UTRN: variants seen among roughly 807,000 people sequenced by gnomAD.
UTRN encodes the protein utrophin, also known as dystrophin-related protein 1.
UTRN carries 283 observed loss-of-function variants against 463.9 expected under a neutral mutation model. The observed-to-expected ratio is 0.61, with a 90% confidence interval of 0.55 to 0.67. UTRN has a LOEUF of 0.67. Among genes scored for constraint, UTRN ranks in the 30% least tolerant of loss-of-function variants. UTRN has a pLI of 0.00. For missense variants in UTRN, 3,922 were observed against 4,084.3 expected, an observed-to-expected ratio of 0.96 and a Z score of 1.08; for synonymous variants, 1,442 against 1,431.5, an observed-to-expected ratio of 1.01 and a Z score of -0.17.
At position 144,700,122 on chromosome 6, in the gene UTRN, G is replaced by A. The variant is rs1239458522; in HGVS notation, c.7688G>A (p.Arg2563Lys). The A allele has an allele frequency of 1.9e-6, 3 of 1,612,654 alleles. No individual in the cohort carries two copies. The highest frequency in any genetic ancestry group is 2.5e-6 in the Non-Finnish European group (3 of 1,179,056). ...GAGGCCAGCGCTGAGAAGTGGAACAGGTTGCTGATGTCCTTAGAAGAACTG... is the reference window on the plus strand; with the variant it reads ...GAGGCCAGCGCTGAGAAGTGGAACAAGTTGCTGATGTCCTTAGAAGAACTG... ...HLEASAEKWNRLLMSLEELIK... is the reference protein window; with the variant it reads ...HLEASAEKWNKLLMSLEELIK... The change falls in exon 53 of 75, where the codon AGG (arginine) becomes AAG (lysine). Residue 2563 changes from arginine (R) to lysine (K), a missense_variant. Transcript: ENST00000367545.
intron 2 of UTRN, among the ~76,000 whole-genome samples, chr6:144,371,919 A>G (rs1252775070): frequency 1.3e-5 from 2 of 152,204 alleles, no homozygotes; most frequent in Non-Finnish European, 1.5e-5. Context: ...CACTGTGACT[A>G]TTTACAATGT....
chr6:144,407,904 T>C (rs1206711240), intron 3 of UTRN, among the ~76,000 whole-genome samples: 2 of 152,172 alleles, frequency 1.3e-5, no homozygotes, highest in African/African-American at 4.8e-5. Flanking sequence ...TCAGAAAAAG[T>C]GATTATCTAA....
At chr6:144,534,797 G>A (rs1034976225) in intron 43 of UTRN, among the ~76,000 whole-genome samples, 13 of 152,132 alleles carry the variant, frequency 8.5e-5, no homozygotes, top group African/African-American at 3.1e-4. Context: ...GATGCGCTGT[G>A]GAATTTAAGT....
chr6:144,368,101 T>A (rs554423034), intron 2 of UTRN, among the ~76,000 whole-genome samples: 1 of 152,252 alleles, frequency 6.6e-6, no homozygotes, highest in South Asian at 2.1e-4. Flanking sequence ...TTATTACTGA[T>A]AATCCTTAGT....
intron 2 of UTRN, among the ~76,000 whole-genome samples, chr6:144,348,225 G>A (rs999242292): frequency 1.3e-5 from 2 of 152,152 alleles, no homozygotes; most frequent in African/African-American, 4.8e-5. Context: ...TATTCAGTCA[G>A]CATTTGCTAG....
chr6:144,821,232 A>C (rs567950095), intron 66 of UTRN, among the ~76,000 whole-genome samples: 1 of 152,266 alleles, frequency 6.6e-6, no homozygotes, highest in South Asian at 2.1e-4. Flanking sequence ...CATGTCCTTA[A>C]ATTTTAAAAA....
chr6:144,701,278 C>A (rs1784564999), intron 53 of UTRN, among the ~76,000 whole-genome samples: 1 of 150,562 alleles, frequency 6.6e-6, no homozygotes, highest in African/African-American at 2.5e-5. Flanking sequence ...TACAAACTAT[C>A]TTGTTTGTGT....
intron 61 of UTRN, among the ~76,000 whole-genome samples, chr6:144,787,408 G>A (rs1237973240): frequency 6.6e-6 from 1 of 152,080 alleles, no homozygotes; most frequent in African/African-American, 2.4e-5. Flanking sequence ...TTAATATTAA[G>A]TATTAGTCAC....
chr6:144,484,035 T>C (rs530553572), intron 27 of UTRN, among the ~76,000 whole-genome samples: 2 of 152,312 alleles, frequency 1.3e-5, no homozygotes, highest in South Asian at 4.1e-4. Flanking sequence ...TTCAGTACAT[T>C]CAAGACGACA....
At chr6:144,685,416 C>T (rs1442959416) in intron 52 of UTRN, among the ~76,000 whole-genome samples, 1 of 152,160 alleles carries the variant, frequency 6.6e-6, no homozygotes, top group East Asian at 1.9e-4. Flanking sequence ...TGCTAGATCA[C>T]ATAGTGGATG....
rs190719048 is a variant in UTRN at position 144,335,531 on chromosome 6, A to G, written c.79+43624A>G. On this transcript the variant is annotated intron_variant, in intron 2 of 74. Transcript: ENST00000367545. ...GTAGTTGAACCCGATTCCTGAGGCA[A>G]TGATATGGCAGGTCCCTCAACTCTC... 1.3e-3 allele frequency among the ~76,000 whole-genome samples: 202 copies of G among 152,294 alleles called. 1 individual carries two copies. The highest frequency in any genetic ancestry group is 3.4e-3 in the Middle Eastern group (1 of 294).
At chr6:144,831,271 G>A (rs2128758024) in intron 69 of UTRN, among the ~76,000 whole-genome samples, 1 of 152,256 alleles carries the variant, frequency 6.6e-6, no homozygotes, top group East Asian at 1.9e-4. Flanking sequence ...CCTTGAAATA[G>A]AGAGATTATC....
At chr6:144,372,208 T>A (rs1360134098) in intron 2 of UTRN, among the ~76,000 whole-genome samples, 2 of 152,272 alleles carry the variant, frequency 1.3e-5, no homozygotes, top group African/African-American at 4.8e-5. Context: ...CCTATTGCTA[T>A]AGCATCTAAT....
At chr6:144,773,355 G>GA (rs1387214271) in intron 59 of UTRN, among the ~76,000 whole-genome samples, 2 of 151,838 alleles carry the variant, frequency 1.3e-5, no homozygotes, top group African/African-American at 2.4e-5. Flanking sequence ...CCTTTATTGG[G>GA]AAAAAAAGGA....
At chr6:144,741,983 C>G (rs1292083721) in intron 54 of UTRN, among the ~76,000 whole-genome samples, 3 of 152,104 alleles carry the variant, frequency 2.0e-5, no homozygotes, top group Admixed American at 6.6e-5. Context: ...ATTTGTGTCC[C>G]CTCTCTTAAT....
At chr6:144,712,223 T>G (rs764568590) in intron 53 of UTRN, among the ~76,000 whole-genome samples, 1 of 152,222 alleles carries the variant, frequency 6.6e-6, no homozygotes, top group Non-Finnish European at 1.5e-5. Context: ...AAGCTGTTAC[T>G]TGTGTGCAGG....
intron 2 of UTRN, among the ~76,000 whole-genome samples, chr6:144,374,867 A>C (rs1780316402): frequency 6.7e-6 from 1 of 149,518 alleles, no homozygotes; most frequent in Admixed American, 6.8e-5. Context: ...AATCACTTGA[A>C]CCTGGGAGGC....
At chr6:144,835,008 C>T (rs980038021) in intron 69 of UTRN, among the ~76,000 whole-genome samples, 1 of 152,212 alleles carries the variant, frequency 6.6e-6, no homozygotes, top group Non-Finnish European at 1.5e-5. Context: ...TTTATAAGAT[C>T]TCACTGGATC....
At chr6:144,723,052 A>G (rs1787383839) in intron 53 of UTRN, among the ~76,000 whole-genome samples, 1 of 152,222 alleles carries the variant, frequency 6.6e-6, no homozygotes, top group African/African-American at 2.4e-5. Flanking sequence ...TAATTTGGAA[A>G]CCATGCCCTA....
Sources: gnomAD v4.1 joint callset for allele counts (sites outside exome capture counted in the v4.1 genomes callset) on GRCh38, gnomAD v4.1.1 for gene constraint, MANE v1.5 for transcripts, NCBI Gene and HGNC (gene_info 2026-07-23, HGNC 2026-07-21) for gene names.